SLCO3A1: variants seen among roughly 807,000 people sequenced by gnomAD.
SLCO3A1 encodes PGE1 transporter.
SLCO3A1 carries 27 observed loss-of-function variants against 63.1 expected under a neutral mutation model. That is an observed-to-expected ratio of 0.43 (90% CI 0.32 to 0.59). SLCO3A1 has a LOEUF of 0.59. Among genes scored for constraint, SLCO3A1 ranks in the 20% least tolerant of loss-of-function variants. The probability of loss-of-function intolerance (pLI) is 0.09; values close to 1 mark genes in which losing one functional copy is unlikely to be tolerated. For missense variants in SLCO3A1, 773 were observed against 945.8 expected (o/e 0.82, Z 2.40); for synonymous variants, 473 against 409.9 (o/e 1.15, Z -1.86).
In SLCO3A1 at chr15:92,047,524, TA is replaced by T. The variant is rs1392774567; in HGVS notation, c.647-47354del. On this transcript the variant is annotated intron_variant, in intron 2 of 9. Coordinates refer to ENST00000318445, the MANE Select transcript of SLCO3A1 (RefSeq NM_013272.4). ...ATATAAATATATATAAATACATAAA[TA>T]AATATATAAATATATATAATATATA... Among the ~76,000 whole-genome samples, 9 of 23,830 alleles carry T rather than the reference TA, an allele frequency of 3.8e-4. 1 individual carries two copies. The highest frequency in any genetic ancestry group is 2.0e-3 in the African/African-American group (9 of 4,610). The allele number at this position is 23,830 out of a possible 152,430, so 15.6% of individuals were successfully genotyped here.
chr15:92,025,689 G>T (rs1478117460), intron 2 of SLCO3A1, among the ~76,000 whole-genome samples: 1 of 152,208 alleles, frequency 6.6e-6, no homozygotes, highest in African/African-American at 2.4e-5. Context: ...CATTCCCGTA[G>T]CTGTCTCTAT....
chr15:92,008,803 T>C (rs1397100499), intron 2 of SLCO3A1, among the ~76,000 whole-genome samples: 1 of 152,212 alleles, frequency 6.6e-6, no homozygotes, highest in Non-Finnish European at 1.5e-5. Flanking sequence ...TATATGTGAA[T>C]GTAAAACTGA....
In SLCO3A1 at chr15:91,854,306, C is replaced by T. The variant is rs999174500; in HGVS notation, c.180+218C>T. On this transcript the variant is annotated intron_variant, in intron 1 of 9. Coordinates refer to ENST00000318445, the MANE Select transcript of SLCO3A1 (RefSeq NM_013272.4). The surrounding 1 kb of genome is among the most constrained non-coding windows in gnomAD (Gnocchi z 6.4). ...CGGGCGGGACCGTTGATGCCGGTAG[C>T]AGCTCGCGCGCGTCCGGCTGGGGCA... 4 of 1,146,680 alleles carry T rather than the reference C, an allele frequency of 3.5e-6. No homozygotes were observed. The highest frequency in any genetic ancestry group is 4.3e-6 in the Non-Finnish European group (4 of 932,726). 71.0% of individuals were successfully genotyped at this position (1,146,680 alleles called of 1,614,324 possible).
intron 2 of SLCO3A1, among the ~76,000 whole-genome samples, chr15:92,026,998 G>A (rs1298446352): frequency 6.6e-6 from 1 of 151,772 alleles, no homozygotes; most frequent in Non-Finnish European, 1.5e-5. Flanking sequence ...GCTGAGACAG[G>A]AGAATCACTT....
chr15:92,123,378 G>T (rs2047885638), intron 5 of SLCO3A1, among the ~76,000 whole-genome samples: 1 of 152,166 alleles, frequency 6.6e-6, no homozygotes, highest in South Asian at 2.1e-4. Context: ...TTGCACTCCA[G>T]CCTGGGGGAC....
At chr15:92,158,696 C>T (rs1373480549) in intron 9 of SLCO3A1, among the ~76,000 whole-genome samples, 1 of 152,126 alleles carries the variant, frequency 6.6e-6, no homozygotes, top group East Asian at 1.9e-4. Context: ...AAATGAGTCA[C>T]CAAGGTGGAA....
intron 2 of SLCO3A1, among the ~76,000 whole-genome samples, chr15:92,070,016 A>T (rs1385179408): frequency 6.6e-6 from 1 of 152,246 alleles, no homozygotes. Flanking sequence ...TGAAGACTCT[A>T]TTCTGTTGCG....
At chr15:92,162,487 CTGGTGAAGA>C (rs2048451882) in intron 9 of SLCO3A1, 2 of 405,986 alleles carry the variant, frequency 4.9e-6, no homozygotes, top group East Asian at 9.0e-5. Flanking sequence ...TCACAGCCAT[CTGGTGAAGA>C]CTGTAGTATT....
chr15:92,039,762 A>G (rs2046774327), intron 2 of SLCO3A1, among the ~76,000 whole-genome samples: 2 of 152,240 alleles, frequency 1.3e-5, no homozygotes, highest in Non-Finnish European at 2.9e-5. Flanking sequence ...AGACACACGC[A>G]CATGTATGTT....
intron 9 of SLCO3A1, among the ~76,000 whole-genome samples, chr15:92,159,131 G>C (rs148510982): frequency 1.3e-5 from 2 of 152,246 alleles, no homozygotes; most frequent in Non-Finnish European, 2.9e-5. Context: ...CCATTTTAAA[G>C]ATGAAGAAAC....
intron 2 of SLCO3A1, among the ~76,000 whole-genome samples, chr15:91,960,171 G>C (rs570408640): frequency 6.6e-6 from 1 of 152,272 alleles, no homozygotes; most frequent in South Asian, 2.1e-4. Flanking sequence ...TGTTAGTAGA[G>C]ACGGAGTTTC....
intron 2 of SLCO3A1, among the ~76,000 whole-genome samples, chr15:92,034,125 T>C (rs768465777): frequency 6.7e-6 from 1 of 149,238 alleles, no homozygotes; most frequent in Non-Finnish European, 1.5e-5. Flanking sequence ...GAGAGTGGAC[T>C]GTGGAGGAGT....
intron 1 of SLCO3A1, among the ~76,000 whole-genome samples, chr15:91,866,135 A>G (rs1202651678): frequency 1.3e-5 from 2 of 152,210 alleles, no homozygotes; most frequent in African/African-American, 2.4e-5. Flanking sequence ...GTTAGCTTCA[A>G]ACACATCATT....
chr15:91,971,159 G>C (rs1007393116), intron 2 of SLCO3A1, among the ~76,000 whole-genome samples: 2 of 151,950 alleles, frequency 1.3e-5, no homozygotes, highest in African/African-American at 4.8e-5. Context: ...ACTTCGGGAG[G>C]CCGAGGCGGG....
chr15:92,104,944 A>G (rs949686123), intron 4 of SLCO3A1, among the ~76,000 whole-genome samples: 2 of 151,578 alleles, frequency 1.3e-5, no homozygotes, highest in African/African-American at 4.8e-5. Context: ...CATTCTTTGA[A>G]AAGCCACCTC....
intron 2 of SLCO3A1, among the ~76,000 whole-genome samples, chr15:91,926,859 C>T (rs1158172136): frequency 1.3e-5 from 2 of 152,040 alleles, no homozygotes; most frequent in South Asian, 2.1e-4. Context: ...GGGAGGAAAG[C>T]TTTGACTGGA....
intron 2 of SLCO3A1, among the ~76,000 whole-genome samples, chr15:92,053,173 A>T (rs935489584): frequency 5.9e-5 from 9 of 152,174 alleles, no homozygotes; most frequent in Non-Finnish European, 1.0e-4. Context: ...GATGAGCAGG[A>T]CCAGCACAGT....
chr15:92,107,970 T>A (rs947825175), intron 4 of SLCO3A1, among the ~76,000 whole-genome samples: 1 of 152,148 alleles, frequency 6.6e-6, no homozygotes, highest in Non-Finnish European at 1.5e-5. Flanking sequence ...TATTCCTGTC[T>A]ATAGATGAGA....
At chr15:91,903,236 G>A (rs1898205001) in intron 1 of SLCO3A1, among the ~76,000 whole-genome samples, 1 of 152,214 alleles carries the variant, frequency 6.6e-6, no homozygotes. Context: ...GGGGACCTGA[G>A]GAACAGATGG....
Sources: allele counts gnomAD v4.1 joint callset (sites outside exome capture counted in the v4.1 genomes callset), GRCh38; gene constraint gnomAD v4.1.1; non-coding constraint Gnocchi (gnomAD v3.1); transcripts MANE v1.5; gene names NCBI Gene and HGNC (gene_info 2026-07-23, HGNC 2026-07-21).